MET: variants seen among roughly 807,000 people sequenced by gnomAD.
The protein encoded by MET is hepatocyte growth factor receptor.
A neutral mutation model predicts 133.1 loss-of-function variants in MET; 48 were observed. That is an observed-to-expected ratio of 0.36 (90% CI 0.29 to 0.46). The LOEUF is 0.46. Among genes scored for constraint, MET ranks in the 20% least tolerant of loss-of-function variants. The probability of loss-of-function intolerance (pLI) is 1.00; values close to 1 mark genes in which losing one functional copy is unlikely to be tolerated. For missense variants in MET, 1,442 were observed against 1,695.9 expected, an observed-to-expected ratio of 0.85 and a Z score of 2.63; for synonymous variants, 628 against 616.5, an observed-to-expected ratio of 1.02 and a Z score of -0.28.
At chr7:116,754,998 A>AAGAAAG (rs1434896991) in intron 5 of MET, among the ~76,000 whole-genome samples, 47 of 148,166 alleles carry the variant, frequency 3.2e-4, no homozygotes, top group Admixed American at 2.8e-3. Flanking sequence ...GAAAGAAAGA[A>AAGAAAG]AGAAAGAAAG....
At chr7:116,772,221 G>A (rs1794859332) in intron 14 of MET, among the ~76,000 whole-genome samples, 2 of 152,132 alleles carry the variant, frequency 1.3e-5, no homozygotes, top group South Asian at 2.1e-4. Context: ...TCACAAAAAG[G>A]TTAATTTGAG....
chr7:116,746,752 G>A (rs1158763978), intron 5 of MET, among the ~76,000 whole-genome samples: 2 of 150,430 alleles, frequency 1.3e-5, no homozygotes, highest in Non-Finnish European at 1.5e-5. Flanking sequence ...GACACAGGAA[G>A]GGGAATATCA....
At chr7:116,685,448 CG>C (rs1435624973) in intron 1 of MET, among the ~76,000 whole-genome samples, 1 of 152,036 alleles carries the variant, frequency 6.6e-6, no homozygotes, top group Non-Finnish European at 1.5e-5. Flanking sequence ...GAGGCTGAGG[CG>C]GGTGGATAGT....
intron 19 of MET, among the ~76,000 whole-genome samples, chr7:116,790,611 C>A (rs920694371): frequency 6.6e-6 from 1 of 151,916 alleles, no homozygotes; most frequent in African/African-American, 2.4e-5. Flanking sequence ...TTTTTCAATT[C>A]TTTTGTATAT....
At chr7:116,732,843 A>G (rs957048930) in intron 3 of MET, among the ~76,000 whole-genome samples, 1 of 152,142 alleles carries the variant, frequency 6.6e-6, no homozygotes, top group African/African-American at 2.4e-5. Flanking sequence ...GATCATTGCC[A>G]TATTTTAAAA....
chr7:116,703,683 C>T (rs535919237), intron 2 of MET, among the ~76,000 whole-genome samples: 1 of 152,074 alleles, frequency 6.6e-6, no homozygotes, highest in South Asian at 2.1e-4. Flanking sequence ...ATTAATGTGA[C>T]AATTTCAGGA....
At chr7:116,782,222 T>C in intron 18 of MET, 125 bp downstream of exon 18, 1 of 743,958 alleles carries the variant, frequency 1.3e-6, no homozygotes, top group Non-Finnish European at 2.4e-6. Flanking sequence ...TCTGTTACAA[T>C]CTTAAATCGA....
At chr7:116,777,335 T>A (rs2117039264) in intron 15 of MET, 54 bp from the exon 16 acceptor site, 4 of 1,394,888 alleles carry the variant, frequency 2.9e-6, no homozygotes, top group Non-Finnish European at 4.1e-6. Context: ...TGATAAATAA[T>A]TATTTCATAA....
intron 17 of MET, among the ~76,000 whole-genome samples, chr7:116,779,198 GA>G (rs1284979559): frequency 6.6e-6 from 1 of 152,206 alleles, no homozygotes; most frequent in Non-Finnish European, 1.5e-5. Context: ...CCTTCCCTCT[GA>G]TAGGGACATT....
At chr7:116,777,314 C>T (rs1205685589) in intron 15 of MET, 75 bp from the exon 16 acceptor site, 1 of 1,230,098 alleles carries the variant, frequency 8.1e-7, no homozygotes, top group Non-Finnish European at 1.2e-6. Flanking sequence ...AAATGAAGCT[C>T]ATAAAGGGTT....
chr7:116,736,539 A>G (rs969445321), intron 3 of MET, among the ~76,000 whole-genome samples: 7 of 152,224 alleles, frequency 4.6e-5, no homozygotes, highest in Non-Finnish European at 5.9e-5. Context: ...TGGCCTTTAC[A>G]TATTTGTGGA....
chr7:116,694,879 G>A (rs1475792756), intron 1 of MET, among the ~76,000 whole-genome samples: 1 of 151,990 alleles, frequency 6.6e-6, no homozygotes, highest in Non-Finnish European at 1.5e-5. Context: ...TAGAGACGGG[G>A]TTTCACCATA....
intron 14 of MET, among the ~76,000 whole-genome samples, chr7:116,774,193 T>TG (rs1794919385): frequency 6.6e-6 from 1 of 152,188 alleles, no homozygotes; most frequent in South Asian, 2.1e-4. Context: ...TGCCTGAGGT[T>TG]CTTACAGAGC....
At chr7:116,740,298 TCTC>T (rs1395014018) in intron 4 of MET, among the ~76,000 whole-genome samples, 2 of 152,164 alleles carry the variant, frequency 1.3e-5, no homozygotes, top group Admixed American at 1.3e-4. Context: ...TTTCAAAACT[TCTC>T]CTTTTGTCCT....
rs780855618 is a variant in MET at position 116,741,016 on chromosome 7, A to G, written c.1692A>G (p.Ala564=). ...GGACTCAACAGATCTGTCTGCCTGC[A>G]ATCTACAAGGTAGGAATCTCTAACA... ...GTWTQQICLP[A]IYKVFPNSAP... The change falls in exon 5 of 21, where the codon GCA becomes GCG. Residue 564 remains alanine, a synonymous_variant. Transcript: ENST00000397752. The G allele has an allele frequency of 1.2e-6, 2 of 1,613,094 alleles. No homozygotes were observed. The highest frequency in any genetic ancestry group is 2.2e-5 in the South Asian group (2 of 90,978).
intron 1 of MET, chr7:116,695,907 C>G (rs1562880987): frequency 7.3e-6 from 2 of 274,044 alleles, no homozygotes; most frequent in South Asian, 3.5e-5. Context: ...CTTGGCTTAT[C>G]CCTTCATAAC....
intron 5 of MET, among the ~76,000 whole-genome samples, chr7:116,746,215 C>T (rs1793674855): frequency 6.6e-6 from 1 of 152,198 alleles, no homozygotes; most frequent in Non-Finnish European, 1.5e-5. Context: ...AAATGCAAAT[C>T]AAAACCGCAA....
chr7:116,699,797 T>C lies in MET; in HGVS notation c.713T>C (p.Leu238Ser), dbSNP rs34349517. 9.6e-5 allele frequency: 155 copies of C among 1,614,012 alleles called. 1 individual carries two copies. In the South Asian group the frequency reaches 1.6e-3, roughly 17 times the overall value. ...FLTDQSYIDV[L>S]PEFRDSYPIK... ...ACGGACCAGTCCTACATTGATGTTTTACCTGAGTTCAGAGATTCTTACCCC... is the reference window on the plus strand; with the variant it reads ...ACGGACCAGTCCTACATTGATGTTTCACCTGAGTTCAGAGATTCTTACCCC... The change falls in exon 2 of 21, where the codon TTA (leucine) becomes TCA (serine). Residue 238 changes from leucine (L) to serine (S), a missense_variant. Around this residue, in one of 6 missense-constraint regions of MET, gnomAD observed 762 missense variants for 792.4 expected, o/e 0.96. Transcript: ENST00000397752.
intron 5 of MET, among the ~76,000 whole-genome samples, chr7:116,751,400 C>T (rs376192509): frequency 1.3e-5 from 2 of 152,058 alleles, no homozygotes; most frequent in African/African-American, 2.4e-5. Flanking sequence ...AGGAGGGAAA[C>T]ATCACACATA....
Sources: gnomAD v4.1 joint callset for allele counts (sites outside exome capture counted in the v4.1 genomes callset) on GRCh38, gnomAD v4.1.1 for gene constraint, gnomAD v4.1.1 regional missense constraint, MANE v1.5 for transcripts, NCBI Gene and HGNC (gene_info 2026-07-23, HGNC 2026-07-21) for gene names.